Variants in SV2C observed in about 807,000 individuals in gnomAD.
The protein encoded by SV2C is synaptic vesicle glycoprotein 2C, also known as solute carrier family 22 member B3.
SV2C carries 49 observed loss-of-function variants against 79.7 expected under a neutral mutation model. The ratio of observed to expected loss-of-function variants is 0.61; its 90% confidence interval spans 0.49 to 0.78. The LOEUF is 0.78. SV2C is among the 30% of genes least tolerant of loss of function. The probability of loss-of-function intolerance (pLI) is 0.00; values close to 1 mark genes in which losing one functional copy is unlikely to be tolerated. For synonymous variants in SV2C, 334 were observed against 333.2 expected, an observed-to-expected ratio of 1.00 and a Z score of -0.03; for missense variants, 833 against 912.9, an observed-to-expected ratio of 0.91 and a Z score of 1.13.
the SV2C span, among the ~76,000 whole-genome samples, chr5:75,885,814 T>C: frequency 6.6e-6 from 1 of 152,100 alleles, no homozygotes; most frequent in South Asian, 2.1e-4. Flanking sequence ...CTTCCCAGTT[T>C]TTGACACTAA....
chr5:76,324,869 A>G (rs1442155762), intron 12 of SV2C, among the ~76,000 whole-genome samples: 1 of 151,950 alleles, frequency 6.6e-6, no homozygotes, highest in Non-Finnish European at 1.5e-5. Context: ...AAATAAAAAT[A>G]AAAATTAGCT....
chr5:76,073,523 A>ATATT, the SV2C span, among the ~76,000 whole-genome samples: 1 of 125,888 alleles, frequency 7.9e-6, no homozygotes, highest in South Asian at 2.4e-4. Context: ...ATATATATAT[A>ATATT]TATATATATA....
the SV2C span, among the ~76,000 whole-genome samples, chr5:75,999,351 G>A: frequency 7.3e-6 from 1 of 136,682 alleles, no homozygotes. Flanking sequence ...GAGAGAGAAG[G>A]AGTGGGGGAG....
intron 12 of SV2C, among the ~76,000 whole-genome samples, chr5:76,343,646 G>A (rs1260643566): frequency 6.6e-6 from 1 of 152,192 alleles, no homozygotes; most frequent in African/African-American, 2.4e-5. Context: ...TTAGAAACAT[G>A]TTTGGAAATA....
At chr5:76,282,171 C>T (rs183775578) in intron 4 of SV2C, among the ~76,000 whole-genome samples, 42 of 152,216 alleles carry the variant, frequency 2.8e-4, no homozygotes, top group African/African-American at 9.9e-4. Context: ...CTTTATCCCA[C>T]GTAAATGGCA....
At chr5:76,224,160 AC>A (rs1346451437) in intron 4 of SV2C, among the ~76,000 whole-genome samples, 2 of 152,134 alleles carry the variant, frequency 1.3e-5, no homozygotes, top group African/African-American at 4.8e-5. Context: ...GAAGGGCTCC[AC>A]CCTTTGAAGG....
upstream of SV2C, among the ~76,000 whole-genome samples, chr5:76,080,841 T>C (rs1746975007): frequency 2.0e-5 from 3 of 152,152 alleles, no homozygotes. Context: ...AGAGAAAACA[T>C]TTCATTATAA....
At chr5:76,193,977 T>A (rs1744186756) in intron 2 of SV2C, among the ~76,000 whole-genome samples, 1 of 152,212 alleles carries the variant, frequency 6.6e-6, no homozygotes, top group Non-Finnish European at 1.5e-5. Context: ...CTATTATCTT[T>A]AAAAGATAAT....
At chr5:76,317,737 G>A (rs1437836043) in intron 12 of SV2C, among the ~76,000 whole-genome samples, 1 of 152,182 alleles carries the variant, frequency 6.6e-6, no homozygotes, top group Non-Finnish European at 1.5e-5. Context: ...GGCTGAGGAG[G>A]AGGATCACTT....
chr5:76,142,713 A>T (rs13174339), intron 2 of SV2C, among the ~76,000 whole-genome samples: 61,974 of 151,986 alleles, frequency 0.41, 14,721 homozygotes, highest in Non-Finnish European at 0.54. Flanking sequence ...AAGTTACTAA[A>T]GAGTATATGA....
chr5:76,312,996 C>T (rs991501718), intron 12 of SV2C, among the ~76,000 whole-genome samples: 2 of 152,198 alleles, frequency 1.3e-5, no homozygotes, highest in African/African-American at 2.4e-5. Context: ...TCTTCAGTTC[C>T]GAAGGTCTGT....
the SV2C span, among the ~76,000 whole-genome samples, chr5:76,066,094 C>T: frequency 1.7e-3 from 263 of 152,232 alleles, no homozygotes; most frequent in Non-Finnish European, 2.3e-3. Flanking sequence ...CATCCCATTA[C>T]TGGGTATATA....
intron 12 of SV2C, among the ~76,000 whole-genome samples, chr5:76,302,993 G>A (rs1253999729): frequency 1.3e-5 from 2 of 152,146 alleles, no homozygotes; most frequent in Non-Finnish European, 2.9e-5. Context: ...CCCCAAAGAG[G>A]TGTATTCTGT....
chr5:76,060,362 C>A, the SV2C span, among the ~76,000 whole-genome samples: 1 of 152,122 alleles, frequency 6.6e-6, no homozygotes, highest in African/African-American at 2.4e-5. Flanking sequence ...GTGTAGCTAC[C>A]TTCACCGATG....
chr5:75,871,531 C>T, the SV2C span, among the ~76,000 whole-genome samples: 6 of 152,032 alleles, frequency 3.9e-5, no homozygotes, highest in East Asian at 1.2e-3. Flanking sequence ...AAATATAGGC[C>T]AGGTGCAGTG....
intron 4 of SV2C, among the ~76,000 whole-genome samples, chr5:76,216,006 G>A (rs1044897980): frequency 2.7e-5 from 4 of 149,936 alleles, no homozygotes; most frequent in African/African-American, 9.7e-5. Flanking sequence ...CCTTGAGTGG[G>A]TCACTAAGGA....
chr5:76,073,517 A>G, the SV2C span, among the ~76,000 whole-genome samples: 4 of 116,546 alleles, frequency 3.4e-5, no homozygotes, highest in African/African-American at 1.2e-4. Context: ...ATATATATAT[A>G]TATATATATA....
chr5:75,910,593 C>G, the SV2C span: 1 of 728,208 alleles, frequency 1.4e-6, no homozygotes, highest in Admixed American at 1.8e-5. Context: ...GAGAGAATTG[C>G]CAAGTGGGGT....
chr5:75,886,458 C>T, the SV2C span, among the ~76,000 whole-genome samples: 1 of 152,138 alleles, frequency 6.6e-6, no homozygotes, highest in Non-Finnish European at 1.5e-5. Context: ...CAGCTTCCTC[C>T]TTGTCCATTT....
Sources: allele counts gnomAD v4.1 joint callset (sites outside exome capture counted in the v4.1 genomes callset), GRCh38; gene constraint gnomAD v4.1.1; transcripts MANE v1.5; gene names NCBI Gene and HGNC (gene_info 2026-07-23, HGNC 2026-07-21).